LPP: variants seen among roughly 807,000 people sequenced by gnomAD.
LPP encodes the protein lipoma-preferred partner.
In LPP, 38 loss-of-function variants were observed where a neutral mutation model predicts 60.4. That is an observed-to-expected ratio of 0.63 (90% CI 0.49 to 0.83). The LOEUF (loss-of-function observed/expected upper bound fraction) is 0.83, where lower values mean the gene tolerates loss of function less well. LPP is among the 40% of genes least tolerant of loss of function. LPP has a pLI of 0.00. For synonymous variants in LPP, 328 were observed against 290.8 expected (o/e 1.13, Z -1.30); for missense variants, 902 against 783.6 (o/e 1.15, Z -1.80).
At chr3:188,848,361 T>G (rs1019983091) in intron 9 of LPP, among the ~76,000 whole-genome samples, 5 of 152,192 alleles carry the variant, frequency 3.3e-5, no homozygotes. Context: ...CTGCATGGAA[T>G]GGGTCCCTCT....
chr3:188,419,023 A>G (rs1233687227), intron 4 of LPP, among the ~76,000 whole-genome samples: 1 of 152,162 alleles, frequency 6.6e-6, no homozygotes, highest in Non-Finnish European at 1.5e-5. Context: ...TAGTAAGGGC[A>G]TCCTCTGTAA....
At chr3:188,640,915 A>C (rs1191849001) in intron 7 of LPP, among the ~76,000 whole-genome samples, 3 of 152,236 alleles carry the variant, frequency 2.0e-5, no homozygotes, top group African/African-American at 7.2e-5. Context: ...AAATAAGGCC[A>C]AATGCCATAA....
intron 4 of LPP, among the ~76,000 whole-genome samples, chr3:188,435,157 A>C (rs1028301705): frequency 6.6e-6 from 1 of 152,224 alleles, no homozygotes; most frequent in Non-Finnish European, 1.5e-5. Context: ...ACACTAGTAT[A>C]TAAGGAGGAA....
intron 1 of LPP, among the ~76,000 whole-genome samples, chr3:188,161,763 A>G (rs1051342619): frequency 2.0e-4 from 31 of 152,142 alleles, no homozygotes; most frequent in African/African-American, 7.5e-4. Flanking sequence ...GCTTTGGAGA[A>G]TTTTAGGAGA....
At chr3:188,301,831 A>G (rs764869007) in intron 2 of LPP, among the ~76,000 whole-genome samples, 4 of 151,706 alleles carry the variant, frequency 2.6e-5, no homozygotes, top group Non-Finnish European at 5.9e-5. Context: ...TTTTTTTTGT[A>G]CTTTTTTTAA....
chr3:188,543,183 C>A (rs746607736), intron 6 of LPP, among the ~76,000 whole-genome samples: 1 of 152,086 alleles, frequency 6.6e-6, no homozygotes, highest in Non-Finnish European at 1.5e-5. Context: ...TGCCTTTAAT[C>A]CCCTGGGATA....
At chr3:188,270,295 G>A (rs962258403) in intron 2 of LPP, among the ~76,000 whole-genome samples, 1 of 151,808 alleles carries the variant, frequency 6.6e-6, no homozygotes, top group African/African-American at 2.4e-5. Flanking sequence ...ACAGACGTGT[G>A]TGTGTGGACA....
chr3:188,219,587 G>A (rs1715022103), intron 1 of LPP, among the ~76,000 whole-genome samples: 1 of 152,134 alleles, frequency 6.6e-6, no homozygotes, highest in East Asian at 1.9e-4. Context: ...CCCAAGTAAA[G>A]CTGAAACCAT....
chr3:188,875,984 G>T lies in LPP; in HGVS notation c.*1505G>T, dbSNP rs1423922911. 1 of 182,936 alleles carries T rather than the reference G, an allele frequency of 5.5e-6. No individual in the cohort carries two copies. The highest frequency in any genetic ancestry group is 1.2e-5 in the Non-Finnish European group (1 of 86,012). The allele number at this position is 182,936 out of a possible 1,614,324, so 11.3% of individuals were successfully genotyped here. ...TGGAGTATTTTAAGTCTACAAAAAG[G>T]TATAAATAATAATATAATGAATTCC... On this transcript the variant is annotated 3_prime_UTR_variant, in exon 12 of 12. Transcript: ENST00000617246.
At chr3:188,812,517 A>G (rs1323417052) in intron 9 of LPP, among the ~76,000 whole-genome samples, 8 of 152,140 alleles carry the variant, frequency 5.3e-5, no homozygotes, top group Admixed American at 5.2e-4. Context: ...AGCACAATTC[A>G]GTTTGTTTCT....
At position 188,881,584 on chromosome 3, in the gene LPP, G is replaced by A. The variant is rs975298986; in HGVS notation, c.*7105G>A. On this transcript the variant is annotated 3_prime_UTR_variant, in exon 12 of 12. Coordinates refer to ENST00000617246, the MANE Select transcript of LPP (RefSeq NM_001375462.1). ...ACCCAGAAGTGTAAAAGCTACAGAA[G>A]GATAGAACTCCCATGTCTACAGACA... 5 of 217,166 alleles carry A rather than the reference G, an allele frequency of 2.3e-5. No homozygotes were observed. The highest frequency in any genetic ancestry group is 9.0e-5 in the African/African-American group (4 of 44,496). 13.5% of individuals were successfully genotyped at this position (217,166 alleles called of 1,614,324 possible).
At chr3:188,758,896 AGAC>A (rs1731228984) in intron 8 of LPP, 1 of 152,266 alleles carries the variant, frequency 6.6e-6, no homozygotes, top group Admixed American at 6.5e-5. Flanking sequence ...ACCTGCATAT[AGAC>A]TGTTGTGAAT....
chr3:188,830,615 A>AC (rs1251170340), intron 9 of LPP, among the ~76,000 whole-genome samples: 4 of 152,126 alleles, frequency 2.6e-5, no homozygotes, highest in African/African-American at 9.6e-5. Context: ...AAAAAACAAA[A>AC]AAAAAAATGC....
At chr3:188,697,120 C>T (rs1159452637) in intron 7 of LPP, among the ~76,000 whole-genome samples, 1 of 152,106 alleles carries the variant, frequency 6.6e-6, no homozygotes, top group Non-Finnish European at 1.5e-5. Flanking sequence ...TGCTGAGGCC[C>T]AAAAATTCAG....
At chr3:188,495,077 T>TAG (rs1809601055) in intron 5 of LPP, among the ~76,000 whole-genome samples, 1 of 103,736 alleles carries the variant, frequency 9.6e-6, no homozygotes, top group Non-Finnish European at 1.7e-5. Flanking sequence ...TATATATATA[T>TAG]ATATATTTTA....
rs190660231 is a variant in LPP at position 188,690,063 on chromosome 3, G to A, written c.1114-18204G>A. Among the ~76,000 whole-genome samples, 265 of 152,200 alleles carry A rather than the reference G, an allele frequency of 1.7e-3. 1 individual carries two copies. Among genetic ancestry groups the A allele is most frequent in the Non-Finnish European group, 2.3e-3 (155 of 68,018 alleles). On this transcript the variant is annotated intron_variant, in intron 7 of 11. Transcript: ENST00000617246. Reference sequence around the variant, plus strand: ...CCCAAGATATTGCCAATATTTACATGTGACAAACTCTGAAAGATGTGCATA... The same window carrying A: ...CCCAAGATATTGCCAATATTTACATATGACAAACTCTGAAAGATGTGCATA...
chr3:188,866,048 A>C, intron 9 of LPP, 152 bp from the exon 10 acceptor site: 1 of 491,846 alleles, frequency 2.0e-6, no homozygotes, highest in Admixed American at 4.3e-5. Context: ...GGACTGTATT[A>C]AAGCTGTAGA....
At chr3:188,790,862 T>C (rs571792525) in intron 9 of LPP, among the ~76,000 whole-genome samples, 1 of 152,158 alleles carries the variant, frequency 6.6e-6, no homozygotes, top group South Asian at 2.1e-4. Flanking sequence ...AATTCAGCTT[T>C]TCTTATTCTA....
intron 4 of LPP, among the ~76,000 whole-genome samples, chr3:188,451,809 C>A (rs1188870016): frequency 6.6e-6 from 1 of 152,074 alleles, no homozygotes; most frequent in East Asian, 1.9e-4. Context: ...GTGCAGAGAT[C>A]CACAGGCAAG....
Sources: allele counts gnomAD v4.1 joint callset (sites outside exome capture counted in the v4.1 genomes callset), GRCh38; gene constraint gnomAD v4.1.1; transcripts MANE v1.5; gene names NCBI Gene and HGNC (gene_info 2026-07-23, HGNC 2026-07-21).